SGCG: variants seen among roughly 807,000 people sequenced by gnomAD.
SGCG encodes the protein gamma-sarcoglycan.
A neutral mutation model predicts 29.3 loss-of-function variants in SGCG; 26 were observed. That is an observed-to-expected ratio of 0.89 (90% CI 0.65 to 1.23). SGCG has a LOEUF of 1.23. Ranked by LOEUF, SGCG falls within the 50% of genes most tolerant of loss-of-function variation. The pLI, the probability that SGCG is intolerant of heterozygous loss-of-function variation, is 0.00. For synonymous variants in SGCG, 145 were observed against 129.7 expected (o/e 1.12, Z -0.80); for missense variants, 353 against 356.0 (o/e 0.99, Z 0.07).
At chr13:23,193,616 G>A (rs1393160198) in intron 1 of SGCG, among the ~76,000 whole-genome samples, 1 of 152,160 alleles carries the variant, frequency 6.6e-6, no homozygotes, top group Non-Finnish European at 1.5e-5. Context: ...AGAAGAGAAG[G>A]GGGGAAATTC....
intron 2 of SGCG, among the ~76,000 whole-genome samples, chr13:23,233,726 G>A (rs1486222474): frequency 6.6e-6 from 1 of 152,132 alleles, no homozygotes; most frequent in Admixed American, 6.6e-5. Context: ...GAAAAAAATG[G>A]ATAAGCCTCC....
At chr13:23,286,563 C>T (rs1881504386) in intron 5 of SGCG, among the ~76,000 whole-genome samples, 1 of 152,224 alleles carries the variant, frequency 6.6e-6, no homozygotes, top group Admixed American at 6.5e-5. Context: ...GGGGATACCT[C>T]AAGCTGCAGA....
chr13:23,305,741 G>A lies in SGCG; in HGVS notation c.578+10254G>A, dbSNP rs150836718. On this transcript the variant is annotated intron_variant, in intron 6 of 7. Coordinates refer to ENST00000218867, the MANE Select transcript of SGCG (RefSeq NM_000231.3). Reference sequence around the variant, plus strand: ...AGTAAGACAGTCTTTAGTAATTACAGAGATAGTCATGTATGTCTCTTAGAT... The same window carrying A: ...AGTAAGACAGTCTTTAGTAATTACAAAGATAGTCATGTATGTCTCTTAGAT... Among the ~76,000 whole-genome samples the A allele has an allele frequency of 2.3e-3, 343 of 152,300 alleles. 2 individuals are homozygous for A. The highest frequency in any genetic ancestry group is 8.0e-3 in the African/African-American group (333 of 41,572).
intron 1 of SGCG, among the ~76,000 whole-genome samples, chr13:23,200,550 C>T (rs2094558): frequency 0.14 from 21,398 of 152,028 alleles, 1,966 homozygotes; most frequent in Middle Eastern, 0.26. Context: ...GAGGGTAAAA[C>T]AAAATAACAA....
At chr13:23,161,515 C>T in the SGCG span, among the ~76,000 whole-genome samples, 4 of 152,224 alleles carry the variant, frequency 2.6e-5, no homozygotes, top group East Asian at 1.9e-4. Flanking sequence ...ATCGTATTTA[C>T]ATTTTTCAAT....
chr13:23,319,066 A>G (rs1254640173), intron 6 of SGCG, among the ~76,000 whole-genome samples: 1 of 152,144 alleles, frequency 6.6e-6, no homozygotes, highest in Admixed American at 6.5e-5. Flanking sequence ...TTGGGAGGCC[A>G]AGGCGGGTGG....
chr13:23,164,044 C>T, the SGCG span, among the ~76,000 whole-genome samples: 2 of 152,210 alleles, frequency 1.3e-5, no homozygotes, highest in African/African-American at 2.4e-5. Flanking sequence ...TCTCTTCTCT[C>T]CTGGTAGGCC....
intron 5 of SGCG, among the ~76,000 whole-genome samples, chr13:23,284,740 G>T (rs1337931669): frequency 6.6e-6 from 1 of 151,926 alleles, no homozygotes; most frequent in Non-Finnish European, 1.5e-5. Context: ...TTATCTTCCT[G>T]GATTTATCTA....
chr13:23,190,910 T>C (rs1161444036), intron 1 of SGCG, among the ~76,000 whole-genome samples: 1 of 152,170 alleles, frequency 6.6e-6, no homozygotes, highest in Admixed American at 6.5e-5. Flanking sequence ...TTTTGAATAA[T>C]TGAAAACTAT....
chr13:23,188,311 CTTTTTTTTTTTTTTTTTT>C (rs71100159), intron 1 of SGCG, among the ~76,000 whole-genome samples: 2 of 78,366 alleles, frequency 2.6e-5, no homozygotes, highest in African/African-American at 4.9e-5. Context: ...TTTACTAAGG[CTTTTTTTTTTTTTTTTTT>C]TTTTTTTTTT....
intron 5 of SGCG, among the ~76,000 whole-genome samples, chr13:23,292,115 C>CTT (rs1165635359): frequency 1.6e-5 from 2 of 126,570 alleles, no homozygotes; most frequent in Non-Finnish European, 3.4e-5. Context: ...CATAACATTT[C>CTT]TTTCTTTTTT....
At chr13:23,265,998 G>A (rs2137594223) in intron 4 of SGCG, among the ~76,000 whole-genome samples, 1 of 152,190 alleles carries the variant, frequency 6.6e-6, no homozygotes, top group Non-Finnish European at 1.5e-5. Context: ...AAATCACAAA[G>A]ATATAAAATC....
chr13:23,206,011 G>A (rs547275861), intron 2 of SGCG, among the ~76,000 whole-genome samples: 43 of 152,284 alleles, frequency 2.8e-4, no homozygotes, highest in Middle Eastern at 3.4e-3. Flanking sequence ...CATAAATGAC[G>A]TAATTACCTT....
At chr13:23,187,556 G>A (rs1877038131) in intron 1 of SGCG, among the ~76,000 whole-genome samples, 1 of 152,196 alleles carries the variant, frequency 6.6e-6, no homozygotes, top group Non-Finnish European at 1.5e-5. Context: ...TGCACCCACA[G>A]AGGCCTACCA....
intron 3 of SGCG, chr13:23,247,074 C>T: frequency 5.9e-6 from 1 of 169,026 alleles, no homozygotes. Context: ...GTATGCCCAC[C>T]CAGGCCTGGC....
intron 2 of SGCG, among the ~76,000 whole-genome samples, chr13:23,208,058 CT>C (rs1878047643): frequency 6.6e-6 from 1 of 152,076 alleles, no homozygotes; most frequent in South Asian, 2.1e-4. Context: ...TATAAAAGAA[CT>C]TTTTTGAGCC....
At chr13:23,298,509 G>C (rs1265409206) in intron 6 of SGCG, among the ~76,000 whole-genome samples, 1 of 152,032 alleles carries the variant, frequency 6.6e-6, no homozygotes, top group Non-Finnish European at 1.5e-5. Flanking sequence ...CCCACAAAGT[G>C]AACATTTGTA....
At chr13:23,311,930 G>A (rs1255586575) in intron 6 of SGCG, among the ~76,000 whole-genome samples, 2 of 151,884 alleles carry the variant, frequency 1.3e-5, no homozygotes, top group Non-Finnish European at 2.9e-5. Flanking sequence ...CTCCTGCCCA[G>A]TTCTCTAATT....
intron 4 of SGCG, among the ~76,000 whole-genome samples, chr13:23,261,249 T>A (rs896781687): frequency 2.3e-5 from 3 of 131,482 alleles, no homozygotes; most frequent in East Asian, 2.5e-4. Context: ...TCTGAAAAAT[T>A]TTTTTTTTAA....
Sources: gnomAD v4.1 joint callset for allele counts (sites outside exome capture counted in the v4.1 genomes callset) on GRCh38, gnomAD v4.1.1 for gene constraint, MANE v1.5 for transcripts, NCBI Gene and HGNC (gene_info 2026-07-23, HGNC 2026-07-21) for gene names.